STK40: variants seen among roughly 807,000 people sequenced by gnomAD.
STK40 encodes the protein serine/threonine kinase 40, also known as serine/threonine-protein kinase 40.
In STK40, 13 loss-of-function variants were observed where a neutral mutation model predicts 47.9. That is an observed-to-expected ratio of 0.27 (90% CI 0.18 to 0.43). STK40 has a LOEUF of 0.43. Ranked by LOEUF, STK40 falls within the 20% of genes least tolerant of loss-of-function variation. The pLI is 1.00. For missense variants in STK40, 460 were observed against 595.1 expected (o/e 0.77, Z 2.36); for synonymous variants, 225 against 243.2 (o/e 0.93, Z 0.69).
At position 36,343,358 on chromosome 1, in the gene STK40, A is replaced by T; in HGVS notation, c.1089+6T>A. ...GGTAATGGCCCATCTGCCCTCCCCAACTCACCTCCTGGGAGCTATCCGCAT... is the reference window on the plus strand; with the variant it reads ...GGTAATGGCCCATCTGCCCTCCCCATCTCACCTCCTGGGAGCTATCCGCAT... On this transcript the variant is annotated splice_donor_region_variant and intron_variant, in intron 10 of 10. Coordinates refer to ENST00000373132, the MANE Select transcript of STK40 (RefSeq NM_001282547.2). 1 of 1,611,026 alleles carries T rather than the reference A, an allele frequency of 6.2e-7. No individual in the cohort carries two copies. Among genetic ancestry groups the T allele is most frequent in the Non-Finnish European group, 8.5e-7 (1 of 1,178,458 alleles).
chr1:36,341,941 C>G lies in STK40; in HGVS notation c.1122G>C (p.Glu374Asp), dbSNP rs1208399230. 2 of 1,613,876 alleles carry G rather than the reference C, an allele frequency of 1.2e-6. No individual in the cohort carries two copies. Among genetic ancestry groups the G allele is most frequent in the African/African-American group, 2.7e-5 (2 of 74,954 alleles). Residue 374 changes from glutamate (E) to aspartate (D), a missense_variant, in exon 11 of 11, where the codon GAG (glutamate) becomes GAC (aspartate). Transcript: ENST00000373132. ...AKVTEECSQY[E>D]FENYMRQQLL... ...GCTGCTGACGCATGTAGTTCTCAAACTCGTACTGGGAGCACTCCTCCGTCA... is the reference window on the plus strand; with the variant it reads ...GCTGCTGACGCATGTAGTTCTCAAAGTCGTACTGGGAGCACTCCTCCGTCA...
chr1:36,373,830 A>G (rs1646969446), intron 1 of STK40, among the ~76,000 whole-genome samples: 1 of 152,238 alleles, frequency 6.6e-6, no homozygotes, highest in African/African-American at 2.4e-5. Flanking sequence ...GCTGCACTTT[A>G]TTGCCTTGGG....
intron 6 of STK40, 73 bp downstream of exon 6, chr1:36,354,291 C>A: frequency 6.6e-7 from 1 of 1,522,362 alleles, no homozygotes; most frequent in Non-Finnish European, 9.1e-7. Flanking sequence ...CACTTCAGGG[C>A]ACTGGAGAGT....
chr1:36,361,083 A>G (rs2124739139), intron 2 of STK40, 138 bp downstream of exon 2: 1 of 950,988 alleles, frequency 1.1e-6, no homozygotes, highest in Non-Finnish European at 1.6e-6. Context: ...CTAGGGACCA[A>G]GCCTGGGGCA....
intron 10 of STK40, 157 bp from the exon 11 acceptor site, chr1:36,342,130 G>A (rs866036409): frequency 1.3e-5 from 9 of 715,000 alleles, no homozygotes; most frequent in African/African-American, 3.6e-5. Flanking sequence ...TGGGAGTGGC[G>A]CTGAGGGTGG....
At chr1:36,374,854 A>T (rs890992784) in intron 1 of STK40, among the ~76,000 whole-genome samples, 1 of 152,178 alleles carries the variant, frequency 6.6e-6, no homozygotes, top group Admixed American at 6.5e-5. Flanking sequence ...GGAGATTGCA[A>T]CAAGGGAGGT....
At chr1:36,343,163 C>A (rs929634400) in intron 10 of STK40, 1 of 713,754 alleles carries the variant, frequency 1.4e-6, no homozygotes. Context: ...CCAAAGATCT[C>A]CAGCTACACC....
intron 4 of STK40, among the ~76,000 whole-genome samples, chr1:36,357,202 T>C (rs1646812846): frequency 6.6e-6 from 1 of 152,232 alleles, no homozygotes; most frequent in Non-Finnish European, 1.5e-5. Flanking sequence ...CCCCATTTTA[T>C]AGATGGGGAA....
intron 10 of STK40, chr1:36,343,070 T>G (rs567432099): frequency 2.2e-4 from 131 of 604,790 alleles, no homozygotes; most frequent in African/African-American, 2.1e-3. Context: ...AAATGTGACT[T>G]GGGCAGCAGG....
chr1:36,349,083 T>C (rs763034971), intron 6 of STK40, among the ~76,000 whole-genome samples: 5 of 152,158 alleles, frequency 3.3e-5, no homozygotes, highest in Non-Finnish European at 5.9e-5. Flanking sequence ...AGGCCATCCC[T>C]GGACCTGCTG....
At chr1:36,355,963 C>G (rs1646800155) in intron 4 of STK40, among the ~76,000 whole-genome samples, 1 of 152,048 alleles carries the variant, frequency 6.6e-6, no homozygotes, top group Non-Finnish European at 1.5e-5. Flanking sequence ...AGAGGACTGT[C>G]GGGATGCAGT....
At chr1:36,355,939 T>G (rs1362039891) in intron 4 of STK40, among the ~76,000 whole-genome samples, 1 of 152,130 alleles carries the variant, frequency 6.6e-6, no homozygotes, top group Non-Finnish European at 1.5e-5. Flanking sequence ...CCTGCTTTCC[T>G]CTTTTCTCAG....
Position 36,353,998 on chromosome 1 carries a change from C to T in STK40, c.623+366G>A, listed in dbSNP as rs563784487. On this transcript the variant is annotated intron_variant, in intron 6 of 10. Transcript: ENST00000373132. ...CAGGCTGGTCTCAAACTCCTGGGCTCAAGTGATCCTCCCGCCTCAGCCTCC... is the reference window on the plus strand; with the variant it reads ...CAGGCTGGTCTCAAACTCCTGGGCTTAAGTGATCCTCCCGCCTCAGCCTCC... Among the ~76,000 whole-genome samples, 21 of 152,288 alleles carry T rather than the reference C, an allele frequency of 1.4e-4. No homozygotes were observed. The South Asian group carries it at 4.4e-3, about 32-fold the overall frequency.
intron 1 of STK40, among the ~76,000 whole-genome samples, chr1:36,373,520 C>T (rs116011289): frequency 0.017 from 2,619 of 152,302 alleles, 80 homozygotes; most frequent in African/African-American, 0.059. Context: ...GGCATGCACC[C>T]TCTCCCCGGG....
At chr1:36,361,958 C>A (rs1414284504) in intron 1 of STK40, among the ~76,000 whole-genome samples, 1 of 152,110 alleles carries the variant, frequency 6.6e-6, no homozygotes, top group Admixed American at 6.6e-5. Flanking sequence ...GATGAAAGAA[C>A]CCCCCAAAGT....
intron 6 of STK40, among the ~76,000 whole-genome samples, chr1:36,349,635 A>G (rs888355072): frequency 1.3e-5 from 2 of 152,334 alleles, no homozygotes; most frequent in African/African-American, 2.4e-5. Context: ...TGCCCTGGCT[A>G]GAACATCACA....
chr1:36,345,047 T>G (rs1646687944), intron 7 of STK40, among the ~76,000 whole-genome samples: 1 of 152,238 alleles, frequency 6.6e-6, no homozygotes, highest in Non-Finnish European at 1.5e-5. Flanking sequence ...CTTGCCTCCT[T>G]TCAGGGCAAC....
At chr1:36,345,991 A>ATATTTTTT in intron 7 of STK40, among the ~76,000 whole-genome samples, 2 of 26,466 alleles carry the variant, frequency 7.6e-5, no homozygotes, top group East Asian at 7.3e-4. Context: ...ATATATATAT[A>ATATTTTTT]TTTTTTTTTT....
At chr1:36,361,383 G>C (rs4653182) in intron 1 of STK40, 43 bp from the exon 2 acceptor site, 1 of 1,611,114 alleles carries the variant, frequency 6.2e-7, no homozygotes, top group Non-Finnish European at 8.5e-7. Flanking sequence ...GTAAGTCAGC[G>C]AGTTTCCTTA....
Sources: allele counts gnomAD v4.1 joint callset (sites outside exome capture counted in the v4.1 genomes callset), GRCh38; gene constraint gnomAD v4.1.1; transcripts MANE v1.5; gene names NCBI Gene and HGNC (gene_info 2026-07-23, HGNC 2026-07-21).